LYSMD1: variants seen among roughly 807,000 people sequenced by gnomAD.
LYSMD1 encodes lysM and putative peptidoglycan-binding domain-containing protein 1.
A neutral mutation model predicts 19.3 loss-of-function variants in LYSMD1; 9 were observed. The observed-to-expected ratio is 0.47, with a 90% confidence interval of 0.28 to 0.81. LYSMD1 has a LOEUF of 0.81. LYSMD1 is among the 40% of genes least tolerant of loss of function. LYSMD1 has a pLI of 0.11. For synonymous variants in LYSMD1, 111 were observed against 111.7 expected (o/e 0.99, Z 0.04); for missense variants, 262 against 279.8 (o/e 0.94, Z 0.45).
rs147702548 is a variant in LYSMD1, at chr1:151,160,956, C to T, written c.610G>A (p.Gly204Ser). Reference protein sequence around the residue: ...SPWMQQRAVLGPVPLTRTSRT... With the variant: ...SPWMQQRAVLSPVPLTRTSRT... The stretch of plus-strand genomic sequence containing the variant: ...GAGGTACGGGTCAGCGGCACAGGAC[C>T]TAGGACTGCTCGTTGCTGCATCCAA... The change falls in exon 3 of 3, where the codon GGT (glycine) becomes AGT (serine). Residue 204 changes from glycine to serine, a missense_variant. Physicochemically the swap from Gly to Ser is moderately conservative, Grantham distance 56. Coordinates refer to ENST00000368908, the MANE Select transcript of LYSMD1 (RefSeq NM_212551.5). 1.2e-6 allele frequency: 2 copies of T among 1,614,172 alleles called. No homozygotes were observed. Among genetic ancestry groups the T allele is most frequent in the African/African-American group, 1.3e-5 (1 of 75,042 alleles).
chr1:151,149,363 C>T, the LYSMD1 span, among the ~76,000 whole-genome samples: 1 of 152,062 alleles, frequency 6.6e-6, no homozygotes, highest in Non-Finnish European at 1.5e-5. Context: ...TGCCACTGCA[C>T]TCCAGCCTGG....
In LYSMD1 at chr1:151,161,280, G is replaced by A. The variant is rs187863914; in HGVS notation, c.546-260C>T. On this transcript the variant is annotated intron_variant, in intron 2 of 2. Transcript: ENST00000368908. ...TGGGAGGCCGAGGCTGGCGGATCAC[G>A]AGGTCAGGAGATTGAGATCATCCTG... Among the ~76,000 whole-genome samples the A allele has an allele frequency of 3.6e-3, 550 of 152,236 alleles. 3 individuals are homozygous for A. Among genetic ancestry groups the A allele is most frequent in the South Asian group, 8.9e-3 (43 of 4,824 alleles).
the LYSMD1 span, among the ~76,000 whole-genome samples, chr1:151,151,445 C>T: frequency 1.3e-5 from 2 of 151,284 alleles, no homozygotes; most frequent in African/African-American, 2.4e-5. Context: ...ATGATCCGCC[C>T]GCCTGGGCCT....
chr1:151,165,447 T>G lies in LYSMD1; in HGVS notation c.-189A>C. 6 of 1,433,424 alleles carry G rather than the reference T, an allele frequency of 4.2e-6. No individual in the cohort carries two copies. The South Asian group carries it at 4.5e-5, about 11-fold the overall frequency. 88.8% of individuals were successfully genotyped at this position (1,433,424 alleles called of 1,614,324 possible). The stretch of plus-strand genomic sequence containing the variant: ...GTTTCTCCTCCCTCCAAGCTACTTA[T>G]CCACAAATCTGTCCCTTGAGTATTC... On this transcript the variant is annotated 5_prime_UTR_variant, in exon 1 of 3. Coordinates refer to ENST00000368908, the MANE Select transcript of LYSMD1 (RefSeq NM_212551.5).
In LYSMD1 at chr1:151,161,429, G is replaced by A. The variant is rs369815904; in HGVS notation, c.545+307C>T. On this transcript the variant is annotated intron_variant, in intron 2 of 2. Transcript: ENST00000368908. ...GGAGAATGGCGTGAACCTGGGAGGC[G>A]GAGCTTGCAGTGAGCCAAGATCGCG... Among the ~76,000 whole-genome samples, 17 of 151,920 alleles carry A rather than the reference G, an allele frequency of 1.1e-4. 1 individual carries two copies. The highest frequency in any genetic ancestry group is 9.6e-4 in the East Asian group (5 of 5,186).
At position 151,165,529 on chromosome 1, in the gene LYSMD1, C is replaced by G; in HGVS notation, c.-271G>C. The G allele has an allele frequency of 6.9e-7, 1 of 1,448,124 alleles. No homozygotes were observed. Among genetic ancestry groups the G allele is most frequent in the South Asian group, 1.5e-5 (1 of 68,430 alleles). The allele number at this position is 1,448,124 out of a possible 1,614,324, so 89.7% of individuals were successfully genotyped here. A position where few individuals can be genotyped will look rare whatever the true frequency, so the allele number is the denominator to read the frequency against. On this transcript the variant is annotated 5_prime_UTR_variant, in exon 1 of 3. Transcript: ENST00000368908. ...TCCGACTTTGGACTCCCCCACAACT[C>G]CTCGCTACATTGACCTCTGACCTTT...
intron 1 of LYSMD1, 46 bp from the exon 2 acceptor site, chr1:151,162,146 A>C (rs1045480326): frequency 6.4e-7 from 1 of 1,550,928 alleles, no homozygotes; most frequent in Non-Finnish European, 8.7e-7. Context: ...ATAATGATCA[A>C]TCTTACATCT....
At chr1:151,161,634 C>G in intron 2 of LYSMD1, 102 bp downstream of exon 2, 6 of 1,449,762 alleles carry the variant, frequency 4.1e-6, no homozygotes, top group Non-Finnish European at 5.6e-6. Flanking sequence ...ATCACCTTGC[C>G]TCTGTTGGCA....
chr1:151,155,756 G>T (rs1022750344), downstream of LYSMD1, among the ~76,000 whole-genome samples: 10 of 152,064 alleles, frequency 6.6e-5, no homozygotes, highest in Non-Finnish European at 7.4e-5. Flanking sequence ...CCCAATTGTG[G>T]CTTCCCCTCA....
intron 1 of LYSMD1, among the ~76,000 whole-genome samples, chr1:151,162,904 T>C (rs1683503196): frequency 6.6e-6 from 1 of 152,180 alleles, no homozygotes; most frequent in Admixed American, 6.5e-5. Flanking sequence ...CTCATCCTCC[T>C]CTTGGCATCT....
chr1:151,151,442 G>A, the LYSMD1 span, among the ~76,000 whole-genome samples: 5 of 149,112 alleles, frequency 3.4e-5, no homozygotes, highest in African/African-American at 9.9e-5. Flanking sequence ...CTCATGATCC[G>A]CCCGCCTGGG....
Position 151,160,917 on chromosome 1 carries a change from G to GT in LYSMD1, c.648dup (p.Leu217ThrfsTer7). ...AAGATTTCATCCTCCTGGTCCCGTAGTGTCCGGGTCCGAGAGGTACGGGTC... is the reference window on the plus strand; with the variant it reads ...AAGATTTCATCCTCCTGGTCCCGTAGTTGTCCGGGTCCGAGAGGTACGGGTC... On this transcript the variant is annotated frameshift_variant, in exon 3 of 3. Coordinates refer to ENST00000368908, the MANE Select transcript of LYSMD1 (RefSeq NM_212551.5). LOFTEE classifies it high-confidence loss of function. The GT allele has an allele frequency of 6.2e-7, 1 of 1,614,184 alleles. No homozygotes were observed. The highest frequency in any genetic ancestry group is 1.3e-5 in the African/African-American group (1 of 75,058).
At chr1:151,151,093 G>A in the LYSMD1 span, among the ~76,000 whole-genome samples, 3 of 151,826 alleles carry the variant, frequency 2.0e-5, no homozygotes, top group African/African-American at 7.3e-5. Context: ...GTTCCCTATG[G>A]TCATGTCCTT....
At chr1:151,158,322 CAAA>C (rs587732030), downstream of LYSMD1, among the ~76,000 whole-genome samples, 10 of 83,816 alleles carry the variant, frequency 1.2e-4, no homozygotes, top group African/African-American at 8.1e-5. Context: ...GACTCCGTCT[CAAA>C]AAAAAAAAAA....
Position 151,162,111 on chromosome 1 carries a change from A to AG in LYSMD1, c.181-12_181-11insC. 1.9e-6 allele frequency: 3 copies of AG among 1,581,638 alleles called. No individual in the cohort carries two copies. Among genetic ancestry groups the AG allele is most frequent in the Non-Finnish European group, 2.6e-6 (3 of 1,172,538 alleles). On this transcript the variant is annotated splice_polypyrimidine_tract_variant and intron_variant, in intron 1 of 2. Coordinates refer to ENST00000368908, the MANE Select transcript of LYSMD1 (RefSeq NM_212551.5). ...TTTAATCTGTTCCATCTTAAAAAAA[A>AG]AAGTCACCAAAATTAAGGACAGTAA...
chr1:151,164,931 A>G, intron 1 of LYSMD1, 148 bp downstream of exon 1: 1 of 676,228 alleles, frequency 1.5e-6, no homozygotes, highest in Non-Finnish European at 2.5e-6. Context: ...CTTGTGCAAC[A>G]CTGTGATGGG....
intron 1 of LYSMD1, 25 bp downstream of exon 1, chr1:151,165,054 T>C (rs755250964): frequency 1.2e-6 from 2 of 1,605,614 alleles, no homozygotes; most frequent in South Asian, 2.2e-5. Flanking sequence ...GACTGTTGTC[T>C]TCACCCCAAT....
At position 151,161,001 on chromosome 1, in the gene LYSMD1, C is replaced by A. The variant is rs762526813; in HGVS notation, c.565G>T (p.Gly189Cys). 23 of 1,613,976 alleles carry A rather than the reference C, an allele frequency of 1.4e-5. No homozygotes were observed. The highest frequency in any genetic ancestry group is 1.6e-4 in the Middle Eastern group (1 of 6,080). ...ATCCAAGGGGAGCTCAGGTGGAGAC[C>A]TGCATCCTCCCCAGGTACCCTGCAA... ...GENGVPGEDA[G>C]LHLSSPWMQQ... Residue 189 changes from glycine (G) to cysteine (C), a missense_variant, in exon 3 of 3, where the codon GGT becomes TGT. Transcript: ENST00000368908.
chr1:151,155,759 T>A (rs1683203231), downstream of LYSMD1, among the ~76,000 whole-genome samples: 1 of 151,928 alleles, frequency 6.6e-6, no homozygotes, highest in Non-Finnish European at 1.5e-5. Flanking sequence ...AATTGTGGCT[T>A]CCCCTCATTT....
Sources: allele counts gnomAD v4.1 joint callset (sites outside exome capture counted in the v4.1 genomes callset), GRCh38; gene constraint gnomAD v4.1.1; transcripts MANE v1.5; gene names NCBI Gene and HGNC (gene_info 2026-07-23, HGNC 2026-07-21).